The following SUGP1 variants were observed in gnomAD, a reference collection of about 807,000 sequenced individuals.
SUGP1 encodes SURP and G-patch domain-containing protein 1.
Under a neutral mutation model 76.5 loss-of-function variants are expected in SUGP1, and 34 were observed. That is an observed-to-expected ratio of 0.44 (90% CI 0.34 to 0.59). The LOEUF (loss-of-function observed/expected upper bound fraction) is 0.59. Among genes scored for constraint, SUGP1 ranks in the 20% least tolerant of loss-of-function variants. The pLI, the probability that SUGP1 is intolerant of heterozygous loss-of-function variation, is 0.01. For missense variants in SUGP1, 752 were observed against 851.7 expected, an observed-to-expected ratio of 0.88 and a Z score of 1.46; for synonymous variants, 326 against 326.2, an observed-to-expected ratio of 1.00 and a Z score of 0.01.
intron 2 of SUGP1, among the ~76,000 whole-genome samples, chr19:19,313,205 C>A (rs2061365241): frequency 6.6e-6 from 1 of 151,324 alleles, no homozygotes; most frequent in African/African-American, 2.4e-5. Context: ...ACCAGCCTGG[C>A]CAACATGATG....
rs765383429 is a variant in SUGP1, at chr19:19,305,876, C to A, written c.511G>T (p.Asp171Tyr). The change falls in exon 4 of 14, where the codon GAC becomes TAC. Residue 171 changes from aspartate to tyrosine, a missense_variant. Physicochemically the swap from Asp to Tyr is radical, Grantham distance 160. Coordinates refer to ENST00000247001, the MANE Select transcript of SUGP1 (RefSeq NM_172231.4). ...TTGATCTCCAGCCACTGCTCATAGT[C>A]CTCCTCCTCGTCCTCGTCAGGGGAC... is the stretch of plus-strand genomic sequence containing the variant. Reference protein sequence around the residue: ...FQSPDEDEEEDYEQWLEIKVS... With the variant: ...FQSPDEDEEEYYEQWLEIKVS... 1.1e-5 allele frequency: 17 copies of A among 1,612,136 alleles called. No homozygotes were observed. The highest frequency in any genetic ancestry group is 1.3e-5 in the Non-Finnish European group (15 of 1,178,896).
chr19:19,298,274 G>T (rs2061244932), intron 7 of SUGP1, among the ~76,000 whole-genome samples: 1 of 152,160 alleles, frequency 6.6e-6, no homozygotes, highest in South Asian at 2.1e-4. Context: ...GAGGCGGGCA[G>T]ATCACCTGAG....
intron 2 of SUGP1, among the ~76,000 whole-genome samples, chr19:19,313,675 C>T (rs2061368673): frequency 2.0e-5 from 3 of 152,108 alleles, no homozygotes; most frequent in Admixed American, 2.0e-4. Flanking sequence ...TGCCACTGTA[C>T]TGCAGCCTGG....
chr19:19,320,374 G>A (rs1277922307), intron 1 of SUGP1, 89 bp downstream of exon 1: 4 of 1,389,392 alleles, frequency 2.9e-6, no homozygotes, highest in Non-Finnish European at 3.9e-6. Flanking sequence ...GGGATCCACG[G>A]GTCGCAGCAG....
chr19:19,277,412 G>C (rs1041555416), intron 12 of SUGP1, among the ~76,000 whole-genome samples: 10 of 152,130 alleles, frequency 6.6e-5, no homozygotes, highest in Non-Finnish European at 1.3e-4. Context: ...CCCATCTCTG[G>C]GAGTGGTTTC....
At chr19:19,310,054 G>C in intron 3 of SUGP1, 43 bp downstream of exon 3, 1 of 1,513,950 alleles carries the variant, frequency 6.6e-7, no homozygotes, top group Non-Finnish European at 9.2e-7. Flanking sequence ...ACCCCAGGGG[G>C]AGATGCAAGG....
intron 1 of SUGP1, among the ~76,000 whole-genome samples, chr19:19,318,459 C>G (rs906462013): frequency 2.6e-5 from 4 of 151,426 alleles, no homozygotes; most frequent in Non-Finnish European, 5.9e-5. Flanking sequence ...GACAGGGTCT[C>G]GCTGAGTTGC....
intron 2 of SUGP1, among the ~76,000 whole-genome samples, chr19:19,311,453 C>T (rs1055425848): frequency 2.6e-5 from 4 of 151,730 alleles, no homozygotes; most frequent in Admixed American, 6.6e-5. Flanking sequence ...CCAGGCTGGG[C>T]GCGGTGGCTC....
At chr19:19,303,308 C>A (rs780898434) in intron 6 of SUGP1, 40 bp downstream of exon 6, 10 of 1,566,530 alleles carry the variant, frequency 6.4e-6, no homozygotes, top group Non-Finnish European at 8.8e-6. Context: ...GGTATGTCCA[C>A]AGGCCTCCCC....
chr19:19,311,520 G>C (rs1193846536), intron 2 of SUGP1, among the ~76,000 whole-genome samples: 3 of 151,858 alleles, frequency 2.0e-5, no homozygotes, highest in Non-Finnish European at 1.5e-5. Context: ...GAGGTCAGGA[G>C]ATAGAGACCA....
chr19:19,303,241 G>A (rs1245725224), intron 6 of SUGP1, 107 bp downstream of exon 6: 9 of 904,118 alleles, frequency 1.0e-5, no homozygotes, highest in South Asian at 1.4e-5. Context: ...CTCAACCACC[G>A]GTGCCACACA....
At chr19:19,306,327 C>G (rs1304976539) in intron 3 of SUGP1, among the ~76,000 whole-genome samples, 1 of 152,214 alleles carries the variant, frequency 6.6e-6, no homozygotes, top group Non-Finnish European at 1.5e-5. Flanking sequence ...CTGGAGGCAT[C>G]TCGGTCGCGC....
In SUGP1 at chr19:19,316,473, T is replaced by C. The variant is rs747985857; in HGVS notation, c.155A>G (p.Gln52Arg). ...GGCCACCTGATTCTGCTTGGCTTTCTGTTCCATTTTGGCTTCAATTTCCCG... is the reference window on the plus strand; with the variant it reads ...GGCCACCTGATTCTGCTTGGCTTTCCGTTCCATTTTGGCTTCAATTTCCCG... ...KKREIEAKME[Q>R]KAKQNQVASP... The change falls in exon 2 of 14, where the codon CAG becomes CGG. Residue 52 changes from glutamine (Q) to arginine (R), a missense_variant. Transcript: ENST00000247001. 1 of 1,613,978 alleles carries C rather than the reference T, an allele frequency of 6.2e-7. No individual in the cohort carries two copies. Among genetic ancestry groups the C allele is most frequent in the African/African-American group, 1.3e-5 (1 of 74,996 alleles).
intron 7 of SUGP1, among the ~76,000 whole-genome samples, chr19:19,299,086 T>G (rs563654884): frequency 3.3e-5 from 5 of 152,346 alleles, no homozygotes; most frequent in Admixed American, 6.5e-5. Flanking sequence ...GGATAACCAC[T>G]GTTAAGGTGT....
At chr19:19,308,848 T>C (rs1044710567) in intron 3 of SUGP1, among the ~76,000 whole-genome samples, 2 of 150,468 alleles carry the variant, frequency 1.3e-5, no homozygotes, top group Non-Finnish European at 2.9e-5. Flanking sequence ...GAGTGCAGGG[T>C]CTACATTTGC....
chr19:19,299,518 G>A (rs866518568), intron 7 of SUGP1, among the ~76,000 whole-genome samples: 8 of 149,916 alleles, frequency 5.3e-5, no homozygotes, highest in Admixed American at 6.7e-5. Flanking sequence ...GACTACAGAC[G>A]CCCGCCACCA....
At chr19:19,308,399 C>T (rs1009470587) in intron 3 of SUGP1, among the ~76,000 whole-genome samples, 1 of 152,246 alleles carries the variant, frequency 6.6e-6, no homozygotes, top group African/African-American at 2.4e-5. Flanking sequence ...CAAAGGGAAA[C>T]AGAGGTAGAG....
intron 8 of SUGP1, among the ~76,000 whole-genome samples, chr19:19,295,851 C>T (rs2061221167): frequency 6.6e-6 from 1 of 152,008 alleles, no homozygotes; most frequent in African/African-American, 2.4e-5. Context: ...ACATGGGTGA[C>T]AGAGACCTCA....
At chr19:19,283,365 C>T (rs1470926257) in intron 8 of SUGP1, among the ~76,000 whole-genome samples, 1 of 151,942 alleles carries the variant, frequency 6.6e-6, no homozygotes, top group Admixed American at 6.6e-5. Flanking sequence ...CTCCACCTCC[C>T]GGGTTCAAAC....
Sources: gnomAD v4.1 joint callset for allele counts (sites outside exome capture counted in the v4.1 genomes callset) on GRCh38, gnomAD v4.1.1 for gene constraint, MANE v1.5 for transcripts, NCBI Gene and HGNC (gene_info 2026-07-23, HGNC 2026-07-21) for gene names.